RAD18: variants seen among roughly 807,000 people sequenced by gnomAD.
RAD18 encodes the protein E3 ubiquitin-protein ligase RAD18.
RAD18 carries 47 observed loss-of-function variants against 60.4 expected under a neutral mutation model. The ratio of observed to expected loss-of-function variants is 0.78; its 90% confidence interval spans 0.62 to 0.99. The LOEUF is 0.99. Among genes scored for constraint, RAD18 ranks in the 50% least tolerant of loss-of-function variants. The probability of loss-of-function intolerance (pLI) is 0.00; values close to 1 mark genes in which losing one functional copy is unlikely to be tolerated. For synonymous variants in RAD18, 225 were observed against 195.5 expected, an observed-to-expected ratio of 1.15 and a Z score of -1.26; for missense variants, 640 against 593.3, an observed-to-expected ratio of 1.08 and a Z score of -0.82.
At chr3:8,882,897 A>G (rs1423949536) in intron 12 of RAD18, among the ~76,000 whole-genome samples, 1 of 152,244 alleles carries the variant, frequency 6.6e-6, no homozygotes, top group African/African-American at 2.4e-5. Context: ...CACAAACACT[A>G]TCGACCTCAG....
rs193239644 is a variant in RAD18, at chr3:8,942,377, C to T, written c.267-573G>A. On this transcript the variant is annotated intron_variant, in intron 4 of 12. Coordinates refer to ENST00000264926, the MANE Select transcript of RAD18 (RefSeq NM_020165.4). The stretch of plus-strand genomic sequence containing the variant: ...TTTTCCACTGTGACTGTAAGCAGCC[C>T]AAGACCTCACTAGAAGCCGAGCAGA... Among the ~76,000 whole-genome samples the T allele has an allele frequency of 5.6e-4, 86 of 152,266 alleles. No homozygotes were observed. In the South Asian group the frequency reaches 6.6e-3, roughly 12 times the overall value.
At chr3:8,949,151 C>A (rs1241482237) in intron 2 of RAD18, among the ~76,000 whole-genome samples, 1 of 152,132 alleles carries the variant, frequency 6.6e-6, no homozygotes, top group Non-Finnish European at 1.5e-5. Context: ...ACAATTTAAG[C>A]AGGAAATGGG....
In RAD18 at chr3:8,941,434, T is replaced by C. The variant is rs1940744240; in HGVS notation, c.604+33A>G. ...CTTATGTCATGTGGATGAAAAGATG[T>C]CCATATTTCCACATATGAAAATAAC... is the stretch of plus-strand genomic sequence containing the variant. On this transcript the variant is annotated intron_variant, in intron 5 of 12. Transcript: ENST00000264926. The C allele has an allele frequency of 2.7e-6, 4 of 1,484,884 alleles. No individual in the cohort carries two copies. The East Asian group carries it at 9.4e-5, about 35-fold the overall frequency. The allele number at this position is 1,484,884 out of a possible 1,614,324, so 92.0% of individuals were successfully genotyped here.
chr3:8,961,748 T>C (rs944859222), intron 1 of RAD18, among the ~76,000 whole-genome samples: 14 of 152,228 alleles, frequency 9.2e-5, no homozygotes, highest in African/African-American at 3.1e-4. Context: ...AACTCTCTGG[T>C]TGAACACTCA....
intron 2 of RAD18, among the ~76,000 whole-genome samples, chr3:8,953,235 T>G (rs424289): frequency 6.6e-6 from 1 of 150,774 alleles, no homozygotes; most frequent in Non-Finnish European, 1.5e-5. Flanking sequence ...TATATGTAAT[T>G]GTACCTATAT....
chr3:8,924,668 C>G (rs1212822920), intron 7 of RAD18, among the ~76,000 whole-genome samples: 1 of 115,326 alleles, frequency 8.7e-6, no homozygotes, highest in African/African-American at 3.3e-5. Context: ...AAGTAAAGCA[C>G]TCTTCAGCAA....
chr3:8,910,371 C>A (rs576074837), intron 9 of RAD18, among the ~76,000 whole-genome samples: 1 of 152,184 alleles, frequency 6.6e-6, no homozygotes, highest in East Asian at 1.9e-4. Context: ...GAGGCTGAGG[C>A]GGGCGGATCA....
intron 11 of RAD18, among the ~76,000 whole-genome samples, chr3:8,894,302 G>C (rs977993492): frequency 9.2e-5 from 14 of 152,132 alleles, no homozygotes; most frequent in African/African-American, 2.9e-4. Flanking sequence ...AAAATGAAGA[G>C]AGCTTAAGAG....
In RAD18 at chr3:8,880,940, A is replaced by G. The variant is rs1346245233; in HGVS notation, c.*417T>C. 6.1e-6 allele frequency: 1 copy of G among 164,740 alleles called. No individual in the cohort carries two copies. The highest frequency in any genetic ancestry group is 1.3e-5 in the Non-Finnish European group (1 of 75,996). The allele number at this position is 164,740 out of a possible 1,614,324, so 10.2% of individuals were successfully genotyped here. The stretch of plus-strand genomic sequence containing the variant: ...CTTTCCAAAAACAAACATTTAACTC[A>G]ACTGTTTCTTGCAATAAAGAAGTTG... On this transcript the variant is annotated 3_prime_UTR_variant, in exon 13 of 13. Coordinates refer to ENST00000264926, the MANE Select transcript of RAD18 (RefSeq NM_020165.4).
chr3:8,959,480 T>A (rs989938864), intron 1 of RAD18, among the ~76,000 whole-genome samples: 14 of 152,292 alleles, frequency 9.2e-5, no homozygotes, highest in African/African-American at 2.6e-4. Flanking sequence ...GAAACTGGTA[T>A]CAAAAGCAGG....
At chr3:8,957,070 G>C (rs1941027577) in intron 2 of RAD18, among the ~76,000 whole-genome samples, 1 of 152,194 alleles carries the variant, frequency 6.6e-6, no homozygotes, top group Non-Finnish European at 1.5e-5. Context: ...CAACAAAAAA[G>C]ATGCTGGAAT....
chr3:8,886,082 C>T (rs367834960), intron 12 of RAD18, among the ~76,000 whole-genome samples: 2 of 152,292 alleles, frequency 1.3e-5, no homozygotes, highest in South Asian at 2.1e-4. Flanking sequence ...TATCTCAAGG[C>T]CAGTGCTTGT....
intron 1 of RAD18, among the ~76,000 whole-genome samples, chr3:8,962,368 G>A (rs1356109571): frequency 6.6e-6 from 1 of 152,168 alleles, no homozygotes; most frequent in African/African-American, 2.4e-5. Flanking sequence ...CACAATGTCA[G>A]CTTCTCATCA....
At chr3:8,954,520 G>A (rs1234986390) in intron 2 of RAD18, among the ~76,000 whole-genome samples, 1 of 152,024 alleles carries the variant, frequency 6.6e-6, no homozygotes, top group Non-Finnish European at 1.5e-5. Context: ...GTGTTTTATG[G>A]GTTGGAGTAA....
At chr3:8,895,895 A>G (rs1362689490) in intron 11 of RAD18, among the ~76,000 whole-genome samples, 1 of 152,244 alleles carries the variant, frequency 6.6e-6, no homozygotes, top group Non-Finnish European at 1.5e-5. Flanking sequence ...TGTTCCGAAC[A>G]CTGGACTTTC....
Position 8,914,954 on chromosome 3 carries a change from C to T in RAD18, c.890-1234G>A, listed in dbSNP as rs187781747. Among the ~76,000 whole-genome samples the T allele has an allele frequency of 2.3e-3, 350 of 151,982 alleles. 1 individual carries two copies. The highest frequency in any genetic ancestry group is 0.017 in the Middle Eastern group (5 of 294). Reference sequence around the variant, plus strand: ...GAGATCGAGACCATCCTGGCTAACACGATGAAACCCCGTCTCCACTAAAAA... The same window carrying T: ...GAGATCGAGACCATCCTGGCTAACATGATGAAACCCCGTCTCCACTAAAAA... On this transcript the variant is annotated intron_variant, in intron 7 of 12. Transcript: ENST00000264926.
In RAD18 at chr3:8,898,959, C is replaced by G. The variant is rs763677322; in HGVS notation, c.1257G>C (p.Glu419Asp). 6.2e-7 allele frequency: 1 copy of G among 1,607,616 alleles called. No homozygotes were observed. Among genetic ancestry groups the G allele is most frequent in the Non-Finnish European group, 8.5e-7 (1 of 1,175,398 alleles). ...GAATATCAATACAGCTAGAAGAATC[C>G]TCTTCTCTGTCAGGTTCCAATTCCT... ...SPEELEPDRE[E>D]DSSSCIDIQE... The change falls in exon 11 of 13, where the codon GAG becomes GAC. Residue 419 changes from glutamate to aspartate, a missense_variant. Physicochemically the swap from Glu to Asp is conservative, Grantham distance 45. Transcript: ENST00000264926.
intron 7 of RAD18, among the ~76,000 whole-genome samples, chr3:8,926,996 T>C (rs960515612): frequency 6.6e-6 from 1 of 152,010 alleles, no homozygotes; most frequent in Non-Finnish European, 1.5e-5. Flanking sequence ...GACATAGGCA[T>C]GGGCAAGGAC....
Position 8,899,187 on chromosome 3 carries a change from C to T in RAD18, c.1169-140G>A, listed in dbSNP as rs2035221. ...TAGATTCCAGAACTCTAGTGACAGCCAGAGAGCAAGAATTAACACTACAAT... is the reference window on the plus strand; with the variant it reads ...TAGATTCCAGAACTCTAGTGACAGCTAGAGAGCAAGAATTAACACTACAAT... On this transcript the variant is annotated intron_variant, in intron 10 of 12. Coordinates refer to ENST00000264926, the MANE Select transcript of RAD18 (RefSeq NM_020165.4). The T allele has an allele frequency of 0.078, 44,562 of 567,726 alleles. 2,164 individuals are homozygous for T. The highest frequency in any genetic ancestry group is 0.13 in the South Asian group (3,337 of 25,388). 35.2% of individuals were successfully genotyped at this position (567,726 alleles called of 1,614,324 possible).
Sources: gnomAD v4.1 joint callset for allele counts (sites outside exome capture counted in the v4.1 genomes callset) on GRCh38, gnomAD v4.1.1 for gene constraint, MANE v1.5 for transcripts, NCBI Gene and HGNC (gene_info 2026-07-23, HGNC 2026-07-21) for gene names.